Variants in ASIC2 observed in about 807,000 individuals in gnomAD.
ASIC2 encodes acid sensing ion channel subunit 2.
Under a neutral mutation model 57.3 loss-of-function variants are expected in ASIC2, and 25 were observed. That is an observed-to-expected ratio of 0.44 (90% confidence interval 0.32 to 0.61). The LOEUF (loss-of-function observed/expected upper bound fraction) is 0.61, where lower values mean the gene tolerates loss of function less well. Among genes scored for constraint, ASIC2 ranks in the 20% least tolerant of loss-of-function variants. The pLI is 0.06. For synonymous variants in ASIC2, 319 were observed against 307.5 expected, an observed-to-expected ratio of 1.04 and a Z score of -0.39; for missense variants, 641 against 738.1, an observed-to-expected ratio of 0.87 and a Z score of 1.52.
chr17:33,351,704 C>A (rs1275121769), intron 1 of ASIC2, among the ~76,000 whole-genome samples: 2 of 152,188 alleles, frequency 1.3e-5, no homozygotes, highest in Non-Finnish European at 2.9e-5. Flanking sequence ...AACTTTAAGT[C>A]TCACAGAAAA....
intron 1 of ASIC2, among the ~76,000 whole-genome samples, chr17:33,542,956 A>G (rs1915463911): frequency 6.6e-6 from 1 of 152,070 alleles, no homozygotes; most frequent in Non-Finnish European, 1.5e-5. Flanking sequence ...CTATGCAGCC[A>G]TAAAAAATGA....
intron 1 of ASIC2, among the ~76,000 whole-genome samples, chr17:33,372,697 G>T (rs1195335900): frequency 3.9e-5 from 6 of 152,092 alleles, no homozygotes; most frequent in African/African-American, 1.4e-4. Context: ...CCACCCCATT[G>T]GAACCGCTGG....
intron 1 of ASIC2, among the ~76,000 whole-genome samples, chr17:33,148,227 C>G (rs1035001108): frequency 3.3e-5 from 5 of 152,174 alleles, no homozygotes; most frequent in African/African-American, 1.2e-4. Flanking sequence ...GAATGCCATA[C>G]TGCACAAAGA....
intron 1 of ASIC2, among the ~76,000 whole-genome samples, chr17:33,387,543 T>C (rs933022667): frequency 6.6e-6 from 1 of 152,256 alleles, no homozygotes; most frequent in Non-Finnish European, 1.5e-5. Context: ...CCAGATGTAG[T>C]AGGCTGAGCA....
intron 1 of ASIC2, among the ~76,000 whole-genome samples, chr17:34,035,356 C>T (rs1307421668): frequency 3.4e-5 from 5 of 145,256 alleles, no homozygotes; most frequent in South Asian, 4.5e-4. Flanking sequence ...TGGATTCCTT[C>T]CTTACACCTT....
At chr17:33,552,688 G>A (rs1185436407) in intron 1 of ASIC2, among the ~76,000 whole-genome samples, 2 of 152,196 alleles carry the variant, frequency 1.3e-5, no homozygotes, top group African/African-American at 4.8e-5. Context: ...TAGATACTTT[G>A]AATATTTCTC....
chr17:34,022,694 G>T (rs8076580), intron 1 of ASIC2, among the ~76,000 whole-genome samples: 1,596 of 151,098 alleles, frequency 0.011, 11 homozygotes, highest in African/African-American at 0.025. Context: ...AAAAGCAATT[G>T]TGATTTTTAC....
At chr17:33,746,225 T>C (rs1268278539) in intron 1 of ASIC2, among the ~76,000 whole-genome samples, 2 of 151,408 alleles carry the variant, frequency 1.3e-5, no homozygotes, top group African/African-American at 2.4e-5. Context: ...CATGTCTTCC[T>C]TTCTTTTCTT....
intron 1 of ASIC2, among the ~76,000 whole-genome samples, chr17:33,485,217 T>C (rs1163309938): frequency 1.3e-5 from 2 of 152,236 alleles, no homozygotes; most frequent in African/African-American, 4.8e-5. Flanking sequence ...TTCATCAGAC[T>C]CTTTCTAACT....
chr17:33,920,231 G>T (rs1915679576), intron 1 of ASIC2, among the ~76,000 whole-genome samples: 1 of 151,920 alleles, frequency 6.6e-6, no homozygotes, highest in Non-Finnish European at 1.5e-5. Flanking sequence ...AAAATAAATT[G>T]TCCTACCAAA....
intron 1 of ASIC2, among the ~76,000 whole-genome samples, chr17:33,215,040 T>C (rs1477186413): frequency 2.0e-5 from 3 of 152,226 alleles, no homozygotes; most frequent in Non-Finnish European, 4.4e-5. Flanking sequence ...GACGAAGCCC[T>C]GTCACAATTC....
chr17:34,138,657 G>A (rs961759800), intron 1 of ASIC2, among the ~76,000 whole-genome samples: 4 of 152,206 alleles, frequency 2.6e-5, no homozygotes, highest in African/African-American at 7.2e-5. Flanking sequence ...GGACTAGTGA[G>A]AGAACCACAT....
At chr17:33,209,070 T>C (rs756571936) in intron 1 of ASIC2, among the ~76,000 whole-genome samples, 2 of 152,176 alleles carry the variant, frequency 1.3e-5, no homozygotes, top group Non-Finnish European at 2.9e-5. Flanking sequence ...GTTATGTGAA[T>C]GGCCCAAGAT....
chr17:33,200,519 C>A (rs1263556332), intron 1 of ASIC2, among the ~76,000 whole-genome samples: 1 of 152,218 alleles, frequency 6.6e-6, no homozygotes, highest in East Asian at 1.9e-4. Flanking sequence ...TCCTTCTCTT[C>A]ATTGCAGATG....
At chr17:33,247,828 C>T (rs1908744578) in intron 1 of ASIC2, among the ~76,000 whole-genome samples, 1 of 152,146 alleles carries the variant, frequency 6.6e-6, no homozygotes, top group African/African-American at 2.4e-5. Flanking sequence ...TCCTCTGTGC[C>T]AGGTGCTGCT....
intron 1 of ASIC2, among the ~76,000 whole-genome samples, chr17:33,373,177 A>G (rs1409938879): frequency 6.6e-6 from 1 of 152,234 alleles, no homozygotes; most frequent in African/African-American, 2.4e-5. Context: ...ACTTATTTGA[A>G]ATGGGTTCCA....
intron 1 of ASIC2, among the ~76,000 whole-genome samples, chr17:34,056,791 T>C (rs897796735): frequency 6.6e-6 from 1 of 152,218 alleles, no homozygotes; most frequent in African/African-American, 2.4e-5. Flanking sequence ...TTCTGACTTT[T>C]CACCTGATCT....
intron 3 of ASIC2, among the ~76,000 whole-genome samples, chr17:33,074,426 C>T (rs546097555): frequency 6.6e-6 from 1 of 152,198 alleles, no homozygotes; most frequent in African/African-American, 2.4e-5. Flanking sequence ...AGTGGTCCTC[C>T]TCCCCTTTCC....
At chr17:33,822,791 G>C (rs1912785653) in intron 1 of ASIC2, among the ~76,000 whole-genome samples, 1 of 152,124 alleles carries the variant, frequency 6.6e-6, no homozygotes, top group African/African-American at 2.4e-5. Flanking sequence ...CTCAAAATTA[G>C]GGAAATTCTA....
Sources: gnomAD v4.1 joint callset for allele counts (sites outside exome capture counted in the v4.1 genomes callset) on GRCh38, gnomAD v4.1.1 for gene constraint, MANE v1.5 for transcripts, NCBI Gene and HGNC (gene_info 2026-07-23, HGNC 2026-07-21) for gene names.